LURAP1L: variants seen among roughly 807,000 people sequenced by gnomAD.
The protein encoded by LURAP1L is leucine rich adaptor protein 1 like.
Under a neutral mutation model 13.8 loss-of-function variants are expected in LURAP1L, and 12 were observed. The ratio of observed to expected loss-of-function variants is 0.87; its 90% CI spans 0.56 to 1.41. LURAP1L has a LOEUF of 1.41. Among genes scored for constraint, LURAP1L ranks in the 40% most tolerant of loss-of-function variants. The probability of loss-of-function intolerance (pLI) is 0.00; values close to 1 mark genes in which losing one functional copy is unlikely to be tolerated. For synonymous variants in LURAP1L, 139 were observed against 119.2 expected (o/e 1.17, Z -1.08); for missense variants, 375 against 292.9 (o/e 1.28, Z -2.04).
At chr9:12,800,372 C>T (rs1438245406) in intron 1 of LURAP1L, among the ~76,000 whole-genome samples, 1 of 151,720 alleles carries the variant, frequency 6.6e-6, no homozygotes, top group Non-Finnish European at 1.5e-5. Flanking sequence ...GACAAAAATC[C>T]AAGAGTTAAT....
intron 1 of LURAP1L, among the ~76,000 whole-genome samples, chr9:12,793,987 T>C (rs1819480011): frequency 6.6e-6 from 1 of 152,122 alleles, no homozygotes; most frequent in African/African-American, 2.4e-5. Context: ...AACTTGTTAT[T>C]GGCATTAATA....
At chr9:12,796,384 ATTATAAT>A (rs1819512079) in intron 1 of LURAP1L, among the ~76,000 whole-genome samples, 1 of 151,988 alleles carries the variant, frequency 6.6e-6, no homozygotes, top group South Asian at 2.1e-4. Context: ...CATTGTTGAA[ATTATAAT>A]TTATAACTTG....
intron 1 of LURAP1L, among the ~76,000 whole-genome samples, chr9:12,797,392 G>C (rs959583253): frequency 5.3e-5 from 8 of 152,052 alleles, no homozygotes; most frequent in African/African-American, 1.9e-4. Flanking sequence ...CAAAATGTTA[G>C]GAGGTACCAA....
chr9:12,788,028 C>T (rs775197793), intron 1 of LURAP1L, among the ~76,000 whole-genome samples: 2 of 151,804 alleles, frequency 1.3e-5, no homozygotes, highest in Non-Finnish European at 2.9e-5. Flanking sequence ...AGGAGAATTG[C>T]ATGAACCCAG....
chr9:12,809,480 C>T (rs935822596), intron 1 of LURAP1L, among the ~76,000 whole-genome samples: 4 of 152,282 alleles, frequency 2.6e-5, no homozygotes, highest in Admixed American at 1.3e-4. Context: ...TTGTTTCCTT[C>T]TTTGCACTTT....
intron 1 of LURAP1L, among the ~76,000 whole-genome samples, chr9:12,808,098 TTC>T (rs1238091451): frequency 6.6e-6 from 1 of 152,112 alleles, no homozygotes; most frequent in African/African-American, 2.4e-5. Flanking sequence ...GAACAAACTG[TTC>T]TGTTAGATCA....
At position 12,784,837 on chromosome 9, in the gene LURAP1L, T is replaced by C. The variant is rs112104286; in HGVS notation, c.312+8810T>C. Among the ~76,000 whole-genome samples, 561 of 150,044 alleles carry C rather than the reference T, an allele frequency of 3.7e-3. 3 individuals carry two copies. Among genetic ancestry groups the C allele is most frequent in the Middle Eastern group, 0.026 (7 of 270 alleles). Reference sequence around the variant, plus strand: ...GAAATGCTGTCTGGGAGGGAGGGTCTGGAGTCGGGAACTTTAGGAATCTAG... The same window carrying C: ...GAAATGCTGTCTGGGAGGGAGGGTCCGGAGTCGGGAACTTTAGGAATCTAG... On this transcript the variant is annotated intron_variant, in intron 1 of 1. Coordinates refer to ENST00000319264, the MANE Select transcript of LURAP1L (RefSeq NM_203403.2).
At chr9:12,795,843 A>G (rs1344905882) in intron 1 of LURAP1L, among the ~76,000 whole-genome samples, 1 of 152,076 alleles carries the variant, frequency 6.6e-6, no homozygotes, top group Non-Finnish European at 1.5e-5. Context: ...TACTTTTGGA[A>G]TAGTCATAAA....
At chr9:12,784,537 C>T (rs1454186765) in intron 1 of LURAP1L, among the ~76,000 whole-genome samples, 1 of 152,140 alleles carries the variant, frequency 6.6e-6, no homozygotes, top group Non-Finnish European at 1.5e-5. Context: ...TACTTTACCC[C>T]AAACAAACAA....
At position 12,820,891 on chromosome 9, in the gene LURAP1L, C is replaced by A. The variant is rs527429029; in HGVS notation, c.313-495C>A. Among the ~76,000 whole-genome samples, 4 of 152,154 alleles carry A rather than the reference C, an allele frequency of 2.6e-5. No homozygotes were observed. The East Asian group carries it at 7.8e-4, about 29-fold the overall frequency. ...TGTCATACAGTGTTATTAGATTTTG[C>A]TAATGAATGCTGAACTTTTATGATG... On this transcript the variant is annotated intron_variant, in intron 1 of 1. Coordinates refer to ENST00000319264, the MANE Select transcript of LURAP1L (RefSeq NM_203403.2).
At chr9:12,790,834 G>C (rs1437728541) in intron 1 of LURAP1L, 1 of 149,382 alleles carries the variant, frequency 6.7e-6, no homozygotes, top group Non-Finnish European at 1.5e-5. Context: ...ATGAGGTTTT[G>C]AAGTTTTAGG....
intron 1 of LURAP1L, among the ~76,000 whole-genome samples, chr9:12,779,665 G>A (rs985678117): frequency 1.3e-5 from 2 of 152,148 alleles, no homozygotes; most frequent in African/African-American, 4.8e-5. Flanking sequence ...GTAGTAAGTG[G>A]AGGAGCCAGG....
chr9:12,789,790 T>A (rs1240125969), intron 1 of LURAP1L, among the ~76,000 whole-genome samples: 1 of 152,168 alleles, frequency 6.6e-6, no homozygotes, highest in Admixed American at 6.6e-5. Flanking sequence ...GATGTTCATA[T>A]AGGTTTTTAG....
chr9:12,797,157 A>C (rs1563892241), intron 1 of LURAP1L, among the ~76,000 whole-genome samples: 1 of 152,026 alleles, frequency 6.6e-6, no homozygotes, highest in African/African-American at 2.4e-5. Context: ...TCTGAAATGC[A>C]TTGCTACCAG....
chr9:12,812,195 G>C (rs138502741), intron 1 of LURAP1L, among the ~76,000 whole-genome samples: 123 of 152,290 alleles, frequency 8.1e-4, no homozygotes, highest in Admixed American at 2.2e-3. Context: ...CCGATACCAG[G>C]ATAGGGAACT....
intron 1 of LURAP1L, among the ~76,000 whole-genome samples, chr9:12,820,753 C>T (rs918818600): frequency 1.3e-5 from 2 of 152,150 alleles, no homozygotes; most frequent in Non-Finnish European, 2.9e-5. Flanking sequence ...CATTATTCAG[C>T]ACTGTCTATG....
At position 12,775,298 on chromosome 9, in the gene LURAP1L, G is replaced by C. The variant is rs1347422400; in HGVS notation, c.-418G>C. On this transcript the variant is annotated 5_prime_UTR_variant, in exon 1 of 2. Coordinates refer to ENST00000319264, the MANE Select transcript of LURAP1L (RefSeq NM_203403.2). ...ATGGGCAGTCAGTGAGCGGCGCAGGGATGTGAACGGACGGTTTTATAATGT... is the reference window on the plus strand; with the variant it reads ...ATGGGCAGTCAGTGAGCGGCGCAGGCATGTGAACGGACGGTTTTATAATGT... 1 of 164,830 alleles carries C rather than the reference G, an allele frequency of 6.1e-6. No homozygotes were observed. The highest frequency in any genetic ancestry group is 2.4e-5 in the African/African-American group (1 of 41,754). 10.2% of individuals were successfully genotyped at this position (164,830 alleles called of 1,614,324 possible). A position where few individuals can be genotyped will look rare whatever the true frequency, so the allele number is the denominator to read the frequency against.
chr9:12,787,196 T>C (rs1819368099), intron 1 of LURAP1L, among the ~76,000 whole-genome samples: 1 of 152,194 alleles, frequency 6.6e-6, no homozygotes, highest in Non-Finnish European at 1.5e-5. Context: ...TGTACCTTCC[T>C]GGAAATGTTC....
intron 1 of LURAP1L, among the ~76,000 whole-genome samples, chr9:12,802,656 G>A (rs1819602966): frequency 6.6e-6 from 1 of 152,092 alleles, no homozygotes; most frequent in South Asian, 2.1e-4. Flanking sequence ...GCAGACTAAT[G>A]CACTCAGTAA....
Sources: gnomAD v4.1 joint callset for allele counts (sites outside exome capture counted in the v4.1 genomes callset) on GRCh38, gnomAD v4.1.1 for gene constraint, MANE v1.5 for transcripts, NCBI Gene and HGNC (gene_info 2026-07-23, HGNC 2026-07-21) for gene names.